Variants in ESRRA observed in about 807,000 individuals in gnomAD.
ESRRA encodes estrogen related receptor alpha.
Under a neutral mutation model 35.6 loss-of-function variants are expected in ESRRA, and 7 were observed. The ratio of observed to expected loss-of-function variants is 0.20; its 90% CI spans 0.11 to 0.37. The LOEUF (loss-of-function observed/expected upper bound fraction) is 0.37. ESRRA is among the 10% of genes least tolerant of loss of function. The pLI is 1.00. For synonymous variants in ESRRA, 223 were observed against 246.9 expected (o/e 0.90, Z 0.91); for missense variants, 378 against 561.7 (o/e 0.67, Z 3.31).
At chr11:64,315,542 G>A (rs2135262067) in intron 6 of ESRRA, among the ~76,000 whole-genome samples, 165 bp from the exon 7 acceptor site, 1 of 152,274 alleles carries the variant, frequency 6.6e-6, no homozygotes, top group East Asian at 1.9e-4. Context: ...AGAGAGGGTG[G>A]GGTCCTGGCC....
chr11:64,314,473 A>G, intron 4 of ESRRA, 106 bp downstream of exon 4: 1 of 1,320,810 alleles, frequency 7.6e-7, no homozygotes, highest in Non-Finnish European at 1.0e-6. Flanking sequence ...CTCTTCACTC[A>G]CTCATTTCCC....
intron 4 of ESRRA, 152 bp from the exon 5 acceptor site, chr11:64,314,589 C>G: frequency 4.3e-6 from 4 of 930,998 alleles, no homozygotes; most frequent in Non-Finnish European, 6.3e-6. Flanking sequence ...ACGGGCTTTC[C>G]CTGGGAGACA....
Position 64,314,492 on chromosome 11 carries a change from G to A in ESRRA, c.571+125G>A. ...TCACTCACTCATTTCCCCAAGACAT[G>A]TGAAACTGCCTTTTCCTGCATCAGG... On this transcript the variant is annotated intron_variant, in intron 4 of 6. Coordinates refer to ENST00000000442, the MANE Select transcript of ESRRA (RefSeq NM_004451.5). 2.4e-6 allele frequency: 3 copies of A among 1,234,414 alleles called. No individual in the cohort carries two copies. The Admixed American group carries it at 8.7e-5, about 36-fold the overall frequency. The allele number at this position is 1,234,414 out of a possible 1,614,324, so 76.5% of individuals were successfully genotyped here. A position where few individuals can be genotyped will look rare whatever the true frequency, so the allele number is the denominator to read the frequency against.
intron 1 of ESRRA, 93 bp from the exon 2 acceptor site, chr11:64,307,075 C>T: frequency 1.8e-6 from 2 of 1,091,676 alleles, no homozygotes; most frequent in Non-Finnish European, 1.3e-6. Context: ...GGAAGCCTGG[C>T]CCTAGGCCCG....
In ESRRA at chr11:64,308,683, G is replaced by T. The variant is rs541147865; in HGVS notation, c.325+1179G>T. On this transcript the variant is annotated intron_variant, in intron 2 of 6. Transcript: ENST00000000442. ...TACAAAAAATTAGCTGGGCATGGTG[G>T]CGGGCGCCTGTAATCCCAGCTACTT... 1.5e-3 allele frequency among the ~76,000 whole-genome samples: 220 copies of T among 149,580 alleles called. 5 individuals are homozygous for T. The South Asian group carries it at 0.045, about 31-fold the overall frequency.
Position 64,315,788 on chromosome 11 carries a change from G to C in ESRRA, c.1094G>C (p.Gly365Ala). The stretch of plus-strand genomic sequence containing the variant: ...GAGGCCCTGCTGGAGTATGAAGCCG[G>C]CCGGGCTGGCCCCGGAGGGGGTGCT... ...LHEALLEYEA[G>A]RAGPGGGAER... Residue 365 changes from glycine (G) to alanine (A), a missense_variant, in exon 7 of 7, where the codon GGC becomes GCC. By Grantham distance (60) the Gly-to-Ala change is moderately conservative (BLOSUM62 0). Transcript: ENST00000000442. The C allele has an allele frequency of 6.2e-7, 1 of 1,613,578 alleles. No homozygotes were observed. Among genetic ancestry groups the C allele is most frequent in the Non-Finnish European group, 8.5e-7 (1 of 1,179,686 alleles).
rs372759001 is a variant in ESRRA, at chr11:64,315,311, A to G, written c.1012+41A>G. The G allele has an allele frequency of 5.9e-6, 9 of 1,518,680 alleles. No individual in the cohort carries two copies. The East Asian group carries it at 1.1e-4, about 19-fold the overall frequency. The allele number at this position is 1,518,680 out of a possible 1,614,324, so 94.1% of individuals were successfully genotyped here. A position where few individuals can be genotyped will look rare whatever the true frequency, so the allele number is the denominator to read the frequency against. On this transcript the variant is annotated intron_variant, in intron 6 of 6. Transcript: ENST00000000442. ...GCACTGACAGGTGAGGTGTCTCCGT[A>G]AGGTCTTCAGGTTAACTCAGTGACG...
Position 64,315,775 on chromosome 11 carries a change from G to C in ESRRA, c.1081G>C (p.Glu361Gln), listed in dbSNP as rs758613953. 5 of 1,613,854 alleles carry C rather than the reference G, an allele frequency of 3.1e-6. No homozygotes were observed. Among genetic ancestry groups the C allele is most frequent in the East Asian group, 2.2e-5 (1 of 44,892 alleles). ...LREALHEALLEYEAGRAGPGG... is the reference protein window; with the variant it reads ...LREALHEALLQYEAGRAGPGG... ...AGAAGCTCTGCACGAGGCCCTGCTG[G>C]AGTATGAAGCCGGCCGGGCTGGCCC... is the stretch of plus-strand genomic sequence containing the variant. Residue 361 changes from glutamate (E) to glutamine (Q), a missense_variant, in exon 7 of 7, where the codon GAG becomes CAG. Glu to Gln is a conservative substitution (Grantham distance 29). Transcript: ENST00000000442.
chr11:64,312,746 G>C (rs1323967634), intron 2 of ESRRA, among the ~76,000 whole-genome samples: 1 of 152,210 alleles, frequency 6.6e-6, no homozygotes, highest in South Asian at 2.1e-4. Flanking sequence ...CAGAGGCCAG[G>C]AGGACTCTGC....
At chr11:64,308,051 C>T (rs112246218) in intron 2 of ESRRA, among the ~76,000 whole-genome samples, 4 of 152,184 alleles carry the variant, frequency 2.6e-5, no homozygotes, top group African/African-American at 9.6e-5. Flanking sequence ...ACCACCACGC[C>T]CAGCTAATTT....
At chr11:64,311,016 T>C (rs2035130275) in intron 2 of ESRRA, among the ~76,000 whole-genome samples, 1 of 152,206 alleles carries the variant, frequency 6.6e-6, no homozygotes, top group African/African-American at 2.4e-5. Context: ...GTGCTGGCTG[T>C]GAATAGGACT....
chr11:64,312,116 T>A (rs1437629123), intron 2 of ESRRA, among the ~76,000 whole-genome samples: 1 of 139,720 alleles, frequency 7.2e-6, no homozygotes, highest in African/African-American at 2.7e-5. Flanking sequence ...GCAGCTGGGA[T>A]TACAGACATG....
intron 2 of ESRRA, among the ~76,000 whole-genome samples, chr11:64,310,536 G>GTTT (rs1185768710): frequency 1.7e-4 from 17 of 100,494 alleles, no homozygotes; most frequent in African/African-American, 2.8e-4. Context: ...TCCTGGCCAG[G>GTTT]TTTTTTTTTT....
At chr11:64,314,195 C>T in intron 3 of ESRRA, 44 bp from the exon 4 acceptor site, 4 of 1,580,716 alleles carry the variant, frequency 2.5e-6, no homozygotes, top group Admixed American at 1.7e-5. Context: ...CCCCACCCTG[C>T]CCACAGCACC....
At chr11:64,308,543 G>A (rs1476987662) in intron 2 of ESRRA, among the ~76,000 whole-genome samples, 6 of 131,876 alleles carry the variant, frequency 4.5e-5, no homozygotes, top group East Asian at 2.3e-4. Context: ...AAAAAAGGCC[G>A]GGCACTGTGG....
Position 64,314,294 on chromosome 11 carries a change from G to A in ESRRA, c.498G>A (p.Glu166=), listed in dbSNP as rs770720728. 6.2e-7 allele frequency: 1 copy of A among 1,611,646 alleles called. No individual in the cohort carries two copies. The highest frequency in any genetic ancestry group is 1.7e-5 in the Admixed American group (1 of 59,884). ...GGCAGAAGTACAAGCGGCGGCCGGAGGTGGACCCACTGCCCTTCCCGGGCC... is the reference window on the plus strand; with the variant it reads ...GGCAGAAGTACAAGCGGCGGCCGGAAGTGGACCCACTGCCCTTCCCGGGCC... The part of the protein sequence containing the change: ...GGRQKYKRRP[E]VDPLPFPGPF... Residue 166 remains glutamate, a synonymous_variant, in exon 4 of 7, where the codon GAG becomes GAA. Transcript: ENST00000000442.
At chr11:64,314,971 C>A in intron 5 of ESRRA, 30 bp from the exon 6 acceptor site, 1 of 1,590,526 alleles carries the variant, frequency 6.3e-7, no homozygotes, top group East Asian at 2.3e-5. Context: ...TGCGCTTGCT[C>A]AGCCAGGCCC....
rs372874354 is a variant in ESRRA at position 64,313,061 on chromosome 11, C to A, written c.326-890C>A. The stretch of plus-strand genomic sequence containing the variant: ...AATAGGACCCTCTTGGCTGCTGAGT[C>A]GAGAACAGACTGGAGCAAGCAGGGA... On this transcript the variant is annotated intron_variant, in intron 2 of 6. Transcript: ENST00000000442. This position sits in a 1 kb window ranked among gnomAD's most constrained non-coding sequence, Gnocchi z 4.0. 6.6e-6 allele frequency among the ~76,000 whole-genome samples: 1 copy of A among 152,010 alleles called. No individual in the cohort carries two copies. The highest frequency in any genetic ancestry group is 1.5e-5 in the Non-Finnish European group (1 of 68,004).
chr11:64,310,392 G>A (rs370319559), intron 2 of ESRRA, among the ~76,000 whole-genome samples: 27 of 151,670 alleles, frequency 1.8e-4, no homozygotes, highest in East Asian at 5.8e-4. Context: ...CCGCCACCAC[G>A]CCTGGCTAAT....
Sources: gnomAD v4.1 joint callset for allele counts (sites outside exome capture counted in the v4.1 genomes callset) on GRCh38, gnomAD v4.1.1 for gene constraint, Gnocchi (gnomAD v3.1) non-coding constraint, MANE v1.5 for transcripts, NCBI Gene and HGNC (gene_info 2026-07-23, HGNC 2026-07-21) for gene names.